The following RAB30 variants were observed in gnomAD, a reference collection of about 807,000 sequenced individuals.
RAB30 encodes the protein RAB30, member RAS oncogene family, also known as ras-related protein Rab-30.
A neutral mutation model predicts 25.1 loss-of-function variants in RAB30; 9 were observed. The observed-to-expected ratio is 0.36, with a 90% CI of 0.22 to 0.63. The LOEUF (loss-of-function observed/expected upper bound fraction) is 0.63. RAB30 is among the 20% of genes least tolerant of loss of function. The probability of loss-of-function intolerance (pLI) is 0.69; values close to 1 mark genes in which losing one functional copy is unlikely to be tolerated. For synonymous variants in RAB30, 77 were observed against 86.4 expected (o/e 0.89, Z 0.60); for missense variants, 140 against 243.5 (o/e 0.58, Z 2.83).
intron 1 of RAB30, among the ~76,000 whole-genome samples, chr11:83,036,187 G>A (rs1279679567): frequency 6.9e-6 from 1 of 145,348 alleles, no homozygotes; most frequent in African/African-American, 2.6e-5. Flanking sequence ...TTTTTTTTGA[G>A]ATGGAGTCTC....
rs773865603 is a variant in RAB30, at chr11:83,020,150, G to A, written c.-8-22826C>T. Among the ~76,000 whole-genome samples, 193 of 152,224 alleles carry A rather than the reference G, an allele frequency of 1.3e-3. 1 individual carries two copies. Among genetic ancestry groups the A allele is most frequent in the Non-Finnish European group, 1.8e-3 (121 of 68,042 alleles). ...GGCCTCCCACTCCACGGAGCAGGTA[G>A]AAGCCCCACCCTCTCGGGCACAGCT... On this transcript the variant is annotated intron_variant, in intron 1 of 4. Transcript: ENST00000527633.
At chr11:83,060,352 C>T (rs1242829831) in intron 1 of RAB30, among the ~76,000 whole-genome samples, 1 of 152,148 alleles carries the variant, frequency 6.6e-6, no homozygotes, top group East Asian at 1.9e-4. Context: ...GATGTTAAAA[C>T]TTTTGAATTA....
rs956946226 is a variant in RAB30, at chr11:83,016,762, G to C, written c.-8-19438C>G. Among the ~76,000 whole-genome samples, 2 of 152,338 alleles carry C rather than the reference G, an allele frequency of 1.3e-5. 1 individual carries two copies. Among genetic ancestry groups the C allele is most frequent in the Admixed American group, 1.3e-4 (2 of 15,302 alleles). On this transcript the variant is annotated intron_variant, in intron 1 of 4. Coordinates refer to ENST00000527633, the MANE Select transcript of RAB30 (RefSeq NM_001286060.2). Reference sequence around the variant, plus strand: ...AGGCTCTGAAAATAATCAGAACAGAGTCGGAAGGAAGCTTCAGAGAACTTG... The same window carrying C: ...AGGCTCTGAAAATAATCAGAACAGACTCGGAAGGAAGCTTCAGAGAACTTG...
chr11:83,060,931 G>A (rs1858559571), intron 1 of RAB30, among the ~76,000 whole-genome samples: 1 of 152,156 alleles, frequency 6.6e-6, no homozygotes, highest in African/African-American at 2.4e-5. Context: ...GCTGTCTGCT[G>A]GAGCTGAAAT....
chr11:83,021,513 C>T (rs1857577622), intron 1 of RAB30, among the ~76,000 whole-genome samples: 1 of 152,246 alleles, frequency 6.6e-6, no homozygotes, highest in Admixed American at 6.5e-5. Context: ...CCCATGCAAG[C>T]ACCTTGAGCT....
In RAB30 at chr11:82,975,829, CATT is replaced by C. The variant is rs1323308404; in HGVS notation, c.*6333_*6335del. Reference sequence around the variant, plus strand: ...AAATAATGACTATCATTTTAATAATCATTATTTTTTCTGACTGTTATTTTTTTT... The same window carrying C: ...AAATAATGACTATCATTTTAATAATCATTTTTTCTGACTGTTATTTTTTTT... On this transcript the variant is annotated 3_prime_UTR_variant, in exon 5 of 5. Transcript: ENST00000527633. 6.6e-6 allele frequency: 1 copy of C among 151,996 alleles called. No individual in the cohort carries two copies. The allele number at this position is 151,996 out of a possible 1,614,324, so 9.4% of individuals were successfully genotyped here. A position where few individuals can be genotyped will look rare whatever the true frequency, so the allele number is the denominator to read the frequency against.
chr11:82,998,284 T>C (rs2121465248), intron 1 of RAB30, among the ~76,000 whole-genome samples: 1 of 152,240 alleles, frequency 6.6e-6, no homozygotes, highest in South Asian at 2.1e-4. Flanking sequence ...CCTTAGTTTC[T>C]CCAACTGCGC....
intron 1 of RAB30, among the ~76,000 whole-genome samples, chr11:83,067,592 C>G (rs1369449494): frequency 2.6e-5 from 4 of 152,316 alleles, no homozygotes; most frequent in African/African-American, 9.6e-5. Context: ...TCTCTGAAAA[C>G]GTCATCCCCA....
intron 1 of RAB30, among the ~76,000 whole-genome samples, chr11:83,052,479 C>A (rs1438045304): frequency 6.6e-6 from 1 of 152,206 alleles, no homozygotes; most frequent in Non-Finnish European, 1.5e-5. Context: ...AATTCATCAA[C>A]CCATGTTGGA....
chr11:82,992,999 G>GA (rs1157719810), intron 3 of RAB30, among the ~76,000 whole-genome samples: 3 of 152,172 alleles, frequency 2.0e-5, no homozygotes, highest in African/African-American at 7.2e-5. Flanking sequence ...GTGAGCCACT[G>GA]TACCAGGCCT....
intron 1 of RAB30, among the ~76,000 whole-genome samples, chr11:83,066,740 C>T (rs1046280468): frequency 6.6e-5 from 10 of 152,214 alleles, no homozygotes; most frequent in East Asian, 1.9e-4. Context: ...TTAGTAGAGA[C>T]GGGGTTTCAC....
intron 4 of RAB30, among the ~76,000 whole-genome samples, chr11:82,984,694 C>A (rs1268373720): frequency 6.6e-6 from 1 of 152,154 alleles, no homozygotes; most frequent in African/African-American, 2.4e-5. Flanking sequence ...AAACAATGGC[C>A]CATCAGGAGG....
chr11:83,054,216 AG>A (rs1291367636), intron 1 of RAB30, among the ~76,000 whole-genome samples: 2 of 152,212 alleles, frequency 1.3e-5, no homozygotes, highest in Non-Finnish European at 1.5e-5. Flanking sequence ...AGACAGGGTC[AG>A]GTGCCCCTCC....
At chr11:82,997,708 G>A (rs979822591) in intron 1 of RAB30, among the ~76,000 whole-genome samples, 24 of 152,196 alleles carry the variant, frequency 1.6e-4, no homozygotes, top group African/African-American at 5.8e-4. Flanking sequence ...AGCCCATCCA[G>A]AGCTTAAAGG....
chr11:83,061,599 C>T (rs530961701), intron 1 of RAB30, among the ~76,000 whole-genome samples: 80 of 150,760 alleles, frequency 5.3e-4, no homozygotes, highest in African/African-American at 1.9e-3. Flanking sequence ...TGTGTGCACA[C>T]GTGTGTGTGT....
chr11:82,983,992 A>C (rs149209004), intron 4 of RAB30, among the ~76,000 whole-genome samples: 337 of 152,358 alleles, frequency 2.2e-3, no homozygotes, highest in African/African-American at 7.8e-3. Flanking sequence ...TAAATATAAA[A>C]TTAATGTGGT....
chr11:83,040,325 G>A (rs953080405), intron 1 of RAB30, among the ~76,000 whole-genome samples: 20 of 152,000 alleles, frequency 1.3e-4, no homozygotes, highest in South Asian at 2.1e-4. Context: ...GCAGTGGCTC[G>A]GGCCTGTAAT....
chr11:83,008,326 C>T (rs544212430), intron 1 of RAB30, among the ~76,000 whole-genome samples: 7 of 152,324 alleles, frequency 4.6e-5, no homozygotes, highest in African/African-American at 1.4e-4. Context: ...TTCAGATTCC[C>T]TCCTCACTGG....
At chr11:83,015,799 G>T (rs1010897330) in intron 1 of RAB30, among the ~76,000 whole-genome samples, 17 of 152,160 alleles carry the variant, frequency 1.1e-4, no homozygotes, top group Admixed American at 9.2e-4. Flanking sequence ...AAAGAAAATG[G>T]TGATCAGTCT....
Sources: allele counts gnomAD v4.1 joint callset (sites outside exome capture counted in the v4.1 genomes callset), GRCh38; gene constraint gnomAD v4.1.1; transcripts MANE v1.5; gene names NCBI Gene and HGNC (gene_info 2026-07-23, HGNC 2026-07-21).